SHLD2: variants seen among roughly 807,000 people sequenced by gnomAD.
The protein encoded by SHLD2 is shieldin complex subunit 2.
A neutral mutation model predicts 73.2 loss-of-function variants in SHLD2; 30 were observed. The ratio of observed to expected loss-of-function variants is 0.41; its 90% confidence interval spans 0.31 to 0.56. The LOEUF is 0.56. Among genes scored for constraint, SHLD2 ranks in the 20% least tolerant of loss-of-function variants. The pLI, the probability that SHLD2 is intolerant of heterozygous loss-of-function variation, is 0.28. For synonymous variants in SHLD2, 285 were observed against 370.1 expected (o/e 0.77, Z 2.64); for missense variants, 745 against 1,055.9 (o/e 0.71, Z 4.08).
chr10:87,150,617 C>T (rs1228122078), intron 2 of SHLD2, among the ~76,000 whole-genome samples: 4 of 151,096 alleles, frequency 2.6e-5, no homozygotes, highest in African/African-American at 4.9e-5. Flanking sequence ...AAAAATTAGC[C>T]GGGCGTGGTG....
At chr10:87,169,933 T>C (rs1589632388) in intron 4 of SHLD2, among the ~76,000 whole-genome samples, 1 of 152,160 alleles carries the variant, frequency 6.6e-6, no homozygotes, top group African/African-American at 2.4e-5. Context: ...AATCATTCTA[T>C]GTGGTATTGG....
chr10:87,132,125 T>C (rs1298908869), intron 2 of SHLD2, among the ~76,000 whole-genome samples: 6 of 152,218 alleles, frequency 3.9e-5, no homozygotes, highest in Admixed American at 2.0e-4. Flanking sequence ...GATTTTCAAA[T>C]TTAGATACAT....
At chr10:87,122,132 G>A (rs575917653) in intron 2 of SHLD2, among the ~76,000 whole-genome samples, 138 of 140,552 alleles carry the variant, frequency 9.8e-4, no homozygotes, top group African/African-American at 3.5e-3. Flanking sequence ...ATTTGGCGTG[G>A]CTGGTTTTTT....
At chr10:87,111,640 CAAAAAAAAAAAA>C (rs972282870) in intron 2 of SHLD2, among the ~76,000 whole-genome samples, 2 of 66,874 alleles carry the variant, frequency 3.0e-5, no homozygotes, top group African/African-American at 1.2e-4. Context: ...GAGTCTGTCT[CAAAAAAAAAAAA>C]AAAAAAAAAG....
At position 87,179,584 on chromosome 10, in the gene SHLD2, G is replaced by A. The variant is rs1848176638; in HGVS notation, c.2171-491G>A. Among the ~76,000 whole-genome samples the A allele has an allele frequency of 3.9e-5, 6 of 152,216 alleles. No homozygotes were observed. The South Asian group carries it at 1.2e-3, about 32-fold the overall frequency. On this transcript the variant is annotated intron_variant, in intron 7 of 9. Transcript: ENST00000298786. Reference sequence around the variant, plus strand: ...GCCTGGCTAATTTTTTGTATTTTTAGTAGAGACAGGGTTTCACCATGTTAG... The same window carrying A: ...GCCTGGCTAATTTTTTGTATTTTTAATAGAGACAGGGTTTCACCATGTTAG...
At chr10:87,147,657 A>G (rs531203932) in intron 2 of SHLD2, among the ~76,000 whole-genome samples, 4 of 151,430 alleles carry the variant, frequency 2.6e-5, no homozygotes, top group East Asian at 3.9e-4. Flanking sequence ...CCTGGGCCCT[A>G]TTTTGGGGTG....
chr10:87,184,210 A>G (rs1000447006), intron 8 of SHLD2, among the ~76,000 whole-genome samples: 4 of 152,036 alleles, frequency 2.6e-5, no homozygotes, highest in Non-Finnish European at 4.4e-5. Flanking sequence ...TACCTCCCCT[A>G]TCTAATCTAT....
chr10:87,141,958 G>T (rs1845225232), intron 2 of SHLD2, among the ~76,000 whole-genome samples: 1 of 151,266 alleles, frequency 6.6e-6, no homozygotes, highest in African/African-American at 2.4e-5. Flanking sequence ...TTGAACCTGG[G>T]AGGCAGAGGT....
Position 87,125,076 on chromosome 10 carries a change from G to T in SHLD2, c.-5-26274G>T, listed in dbSNP as rs555029966. On this transcript the variant is annotated intron_variant, in intron 2 of 9. Transcript: ENST00000298786. ...CATTACAAAGAAATTAAATTAATTG[G>T]TTTCATTGGCAGTATTGAATTTCAA... Among the ~76,000 whole-genome samples, 3 of 152,190 alleles carry T rather than the reference G, an allele frequency of 2.0e-5. No individual in the cohort carries two copies. The East Asian group carries it at 5.8e-4, about 29-fold the overall frequency.
rs1846000833 is a variant in SHLD2 at position 87,151,379 on chromosome 10, A to G, written c.25A>G (p.Ile9Val). The change falls in exon 3 of 10, where the codon ATT becomes GTT. Residue 9 changes from isoleucine (I) to valine (V), a missense_variant. Physicochemically the swap from Ile to Val is conservative, Grantham distance 29. Transcript: ENST00000298786. MSGGSQVH[I>V]FWGAPIAPLK... Reference sequence around the variant, plus strand: ...CATGAGTGGAGGATCTCAAGTCCACATTTTTTGGGGTGCTCCAATTGCTCC... The same window carrying G: ...CATGAGTGGAGGATCTCAAGTCCACGTTTTTTGGGGTGCTCCAATTGCTCC... The G allele has an allele frequency of 6.4e-7, 1 of 1,563,898 alleles. No individual in the cohort carries two copies. Among genetic ancestry groups the G allele is most frequent in the African/African-American group, 1.4e-5 (1 of 72,492 alleles).
chr10:87,120,088 C>T (rs1481361974), intron 2 of SHLD2, among the ~76,000 whole-genome samples: 1 of 151,898 alleles, frequency 6.6e-6, no homozygotes, highest in Non-Finnish European at 1.5e-5. Context: ...TATTAATGAG[C>T]TGAATTTGAT....
intron 8 of SHLD2, among the ~76,000 whole-genome samples, chr10:87,183,952 G>A (rs1848463777): frequency 6.6e-6 from 1 of 152,142 alleles, no homozygotes; most frequent in Non-Finnish European, 1.5e-5. Flanking sequence ...GATGATCACA[G>A]CTGTTTTCGT....
intron 2 of SHLD2, among the ~76,000 whole-genome samples, chr10:87,098,130 C>T (rs1043249629): frequency 6.6e-6 from 1 of 152,004 alleles, no homozygotes; most frequent in African/African-American, 2.4e-5. Context: ...TTTAGAAAAA[C>T]AGAATGAAAT....
chr10:87,168,714 T>C (rs901411007), intron 4 of SHLD2, among the ~76,000 whole-genome samples: 10 of 152,150 alleles, frequency 6.6e-5, no homozygotes, highest in African/African-American at 2.4e-4. Context: ...TTCTCACTTA[T>C]AAGTGGGAGC....
chr10:87,151,124 A>G (rs555344270), intron 2 of SHLD2, among the ~76,000 whole-genome samples: 5 of 152,276 alleles, frequency 3.3e-5, no homozygotes, highest in Non-Finnish European at 5.9e-5. Flanking sequence ...CGCCCGGCCT[A>G]AAGTGAGTCT....
At chr10:87,186,616 A>G (rs1474968673) in intron 8 of SHLD2, among the ~76,000 whole-genome samples, 1 of 103,752 alleles carries the variant, frequency 9.6e-6, no homozygotes, top group South Asian at 3.6e-4. Flanking sequence ...GCACTTGCAA[A>G]TGTTCTTCAT....
chr10:87,160,945 A>G (rs1846765025), intron 4 of SHLD2, among the ~76,000 whole-genome samples: 1 of 151,538 alleles, frequency 6.6e-6, no homozygotes, highest in Non-Finnish European at 1.5e-5. Flanking sequence ...GAGCACCACT[A>G]CACTGCACTG....
At chr10:87,120,868 T>C (rs1374176363) in intron 2 of SHLD2, among the ~76,000 whole-genome samples, 4 of 151,776 alleles carry the variant, frequency 2.6e-5, no homozygotes, top group Non-Finnish European at 5.9e-5. Flanking sequence ...AGCCTCAATA[T>C]GGAGAAACCC....
In SHLD2 at chr10:87,176,064, C is replaced by G; in HGVS notation, c.2139C>G (p.Asp713Glu). Residue 713 changes from aspartate to glutamate, a missense_variant, in exon 7 of 10, where the codon GAC (aspartate) becomes GAG (glutamate). Physicochemically the swap from Asp to Glu is conservative, Grantham distance 45. Coordinates refer to ENST00000298786, the MANE Select transcript of SHLD2 (RefSeq NM_001330112.2). ...KSAPSFVKIS[D>E]LATHLEDKCS... Reference sequence around the variant, plus strand: ...CACCCTCCTTTGTGAAGATATCAGACTTAGCAACCCACCTAGAGGATAAGT... The same window carrying G: ...CACCCTCCTTTGTGAAGATATCAGAGTTAGCAACCCACCTAGAGGATAAGT... The G allele has an allele frequency of 6.5e-7, 1 of 1,548,322 alleles. No individual in the cohort carries two copies. Among genetic ancestry groups the G allele is most frequent in the Non-Finnish European group, 8.7e-7 (1 of 1,146,782 alleles).
Sources: allele counts gnomAD v4.1 joint callset (sites outside exome capture counted in the v4.1 genomes callset), GRCh38; gene constraint gnomAD v4.1.1; transcripts MANE v1.5; gene names NCBI Gene and HGNC (gene_info 2026-07-23, HGNC 2026-07-21).